Variants in RANBP9 observed in about 807,000 individuals in gnomAD.
RANBP9 encodes RAN binding protein 9, also known as ran-binding protein 9.
In RANBP9, 15 loss-of-function variants were observed where a neutral mutation model predicts 84.3. The observed-to-expected ratio is 0.18, with a 90% CI of 0.12 to 0.27. The LOEUF (loss-of-function observed/expected upper bound fraction) is 0.27, where lower values mean the gene tolerates loss of function less well. Among genes scored for constraint, RANBP9 ranks in the 10% least tolerant of loss-of-function variants. The pLI, the probability that RANBP9 is intolerant of heterozygous loss-of-function variation, is 1.00. For missense variants in RANBP9, 809 were observed against 912.8 expected (o/e 0.89, Z 1.46); for synonymous variants, 392 against 349.6 (o/e 1.12, Z -1.35).
intron 2 of RANBP9, among the ~76,000 whole-genome samples, chr6:13,676,651 A>G (rs1765891010): frequency 6.6e-6 from 1 of 152,100 alleles, no homozygotes; most frequent in Admixed American, 6.5e-5. Context: ...AAATTTTAAA[A>G]AAAGAACTAT....
At chr6:13,685,781 A>T (rs183797871) in intron 2 of RANBP9, among the ~76,000 whole-genome samples, 33 of 152,054 alleles carry the variant, frequency 2.2e-4, no homozygotes, top group Non-Finnish European at 3.8e-4. Context: ...TACAAAAAGT[A>T]GCTGGGCGTG....
intron 2 of RANBP9, among the ~76,000 whole-genome samples, chr6:13,695,079 A>C (rs1375719715): frequency 6.6e-6 from 1 of 152,230 alleles, no homozygotes; most frequent in Non-Finnish European, 1.5e-5. Context: ...CTGGCTACAA[A>C]GAGACTGAAA....
intron 13 of RANBP9, among the ~76,000 whole-genome samples, chr6:13,622,944 C>T (rs1052799486): frequency 1.3e-5 from 2 of 152,184 alleles, no homozygotes; most frequent in Non-Finnish European, 2.9e-5. Flanking sequence ...AACAGGCTGC[C>T]TAGCCATCTC....
chr6:13,686,072 T>C (rs1766169224), intron 2 of RANBP9, among the ~76,000 whole-genome samples: 3 of 150,316 alleles, frequency 2.0e-5, no homozygotes, highest in Non-Finnish European at 4.4e-5. Context: ...CTGTACTTTT[T>C]TTTCTTTCCT....
At position 13,710,980 on chromosome 6, in the gene RANBP9, T is replaced by C. The variant is rs1216669740; in HGVS notation, c.526A>G (p.Ser176Gly). ...TTGTTCTGAGAGAGGCCGATGTAGCTGAACTTGTCCTTCGGGCTCCAGGAC... is the reference window on the plus strand; with the variant it reads ...TTGTTCTGAGAGAGGCCGATGTAGCCGAACTTGTCCTTCGGGCTCCAGGAC... ...PRSWSPKDKF[S>G]YIGLSQNNLR... The change falls in exon 1 of 14, where the codon AGC becomes GGC. Residue 176 changes from serine to glycine, a missense_variant. Ser to Gly is a moderately conservative substitution (Grantham distance 56). Transcript: ENST00000011619. The C allele has an allele frequency of 1.2e-6, 2 of 1,610,312 alleles. No homozygotes were observed. Among genetic ancestry groups the C allele is most frequent in the Middle Eastern group, 1.7e-4 (1 of 6,052 alleles).
rs187868163 is a variant in RANBP9, at chr6:13,670,106, G to A, written c.684-11274C>T. Among the ~76,000 whole-genome samples, 291 of 152,100 alleles carry A rather than the reference G, an allele frequency of 1.9e-3. 1 individual carries two copies. Among genetic ancestry groups the A allele is most frequent in the Middle Eastern group, 6.8e-3 (2 of 294 alleles). On this transcript the variant is annotated intron_variant, in intron 2 of 13. Coordinates refer to ENST00000011619, the MANE Select transcript of RANBP9 (RefSeq NM_005493.3). ...TCAGGAGTTCAAGACCAGCCTAGCC[G>A]ACATAGCAAAAGCCCATCTGTACTA...
In RANBP9 at chr6:13,711,439, G is replaced by C. The variant is rs1366292307; in HGVS notation, c.67C>G (p.Pro23Ala). The C allele has an allele frequency of 1.7e-6, 2 of 1,202,168 alleles. No individual in the cohort carries two copies. Among genetic ancestry groups the C allele is most frequent in the Admixed American group, 4.3e-5 (1 of 23,182 alleles). The allele number at this position is 1,202,168 out of a possible 1,614,324, so 74.5% of individuals were successfully genotyped here. The change falls in exon 1 of 14, where the codon CCG becomes GCG. Residue 23 changes from proline to alanine, a missense_variant. Transcript: ENST00000011619. ...QQQQQQLSPPPPAALAPVSGV... is the reference protein window; with the variant it reads ...QQQQQQLSPPAPAALAPVSGV... ...GAGACTGGGGCCAAGGCCGCCGGCG[G>C]TGGCGGCGACAGCTGCTGCTGCTGT...
At chr6:13,660,574 C>T (rs1765519390) in intron 2 of RANBP9, among the ~76,000 whole-genome samples, 1 of 152,160 alleles carries the variant, frequency 6.6e-6, no homozygotes. Flanking sequence ...TGTAGACACA[C>T]ATTTATACAT....
At chr6:13,688,373 T>A (rs1477920280) in intron 2 of RANBP9, among the ~76,000 whole-genome samples, 5 of 152,198 alleles carry the variant, frequency 3.3e-5, no homozygotes, top group Non-Finnish European at 7.3e-5. Context: ...TCTGTAATTT[T>A]ATGTAAGCTT....
intron 2 of RANBP9, among the ~76,000 whole-genome samples, chr6:13,681,303 T>C (rs1039756103): frequency 2.0e-5 from 3 of 148,066 alleles, no homozygotes; most frequent in Admixed American, 1.4e-4. Flanking sequence ...AAGAGAGAGT[T>C]TGGCGTGGTT....
chr6:13,653,710 T>G (rs1765342412), intron 4 of RANBP9, among the ~76,000 whole-genome samples: 1 of 152,078 alleles, frequency 6.6e-6, no homozygotes, highest in Non-Finnish European at 1.5e-5. Flanking sequence ...AAAGACAAAC[T>G]GAAAATAAAT....
At chr6:13,623,776 T>C (rs114613025) in intron 13 of RANBP9, among the ~76,000 whole-genome samples, 1 of 152,216 alleles carries the variant, frequency 6.6e-6, no homozygotes, top group Non-Finnish European at 1.5e-5. Context: ...TCATTAATTT[T>C]ACAGGAATCG....
intron 12 of RANBP9, among the ~76,000 whole-genome samples, chr6:13,627,352 G>A (rs1040904571): frequency 1.1e-4 from 17 of 151,962 alleles, no homozygotes; most frequent in Non-Finnish European, 1.2e-4. Flanking sequence ...GTTTTTGGCC[G>A]GGTGTGGTGG....
Position 13,639,664 on chromosome 6 carries a change from G to A in RANBP9, c.1424C>T (p.Pro475Leu). The A allele has an allele frequency of 6.2e-7, 1 of 1,613,088 alleles. No individual in the cohort carries two copies. The highest frequency in any genetic ancestry group is 1.3e-5 in the African/African-American group (1 of 75,006). ...ACTACTAAAAGGTCGAGGACTAACA[G>A]GATAACTGTCTTGAGACTTTGGACT... ...GRSPKSQDSYPVSPRPFSSPS... is the reference protein window; with the variant it reads ...GRSPKSQDSYLVSPRPFSSPS... Residue 475 changes from proline (P) to leucine (L), a missense_variant, in exon 9 of 14, where the codon CCT becomes CTT. Pro to Leu is a moderately conservative substitution (Grantham distance 98). Coordinates refer to ENST00000011619, the MANE Select transcript of RANBP9 (RefSeq NM_005493.3).
At position 13,658,828 on chromosome 6, in the gene RANBP9, T is replaced by C; in HGVS notation, c.688A>G (p.Met230Val). 1 of 1,574,036 alleles carries C rather than the reference T, an allele frequency of 6.4e-7. No individual in the cohort carries two copies. Among genetic ancestry groups the C allele is most frequent in the Non-Finnish European group, 8.7e-7 (1 of 1,143,846 alleles). ...CCTTGAGCAGAAAGACCAATTCCCA[T>C]GTAACTGTTGGCGGAGGTTGGGGGA... ...KIVSKGRDGY[M>V]GIGLSAQGVN... The change falls in exon 3 of 14, where the codon ATG becomes GTG. Residue 230 changes from methionine (M) to valine (V), a missense_variant. Transcript: ENST00000011619.
chr6:13,688,716 C>T (rs1306593182), intron 2 of RANBP9, among the ~76,000 whole-genome samples: 1 of 151,662 alleles, frequency 6.6e-6, no homozygotes, highest in Non-Finnish European at 1.5e-5. Context: ...ACTCTATCCT[C>T]AGGCAACCGC....
intron 5 of RANBP9, 70 bp from the exon 6 acceptor site, chr6:13,644,799 C>T (rs1198204071): frequency 8.2e-7 from 1 of 1,217,234 alleles, no homozygotes; most frequent in Non-Finnish European, 1.1e-6. Flanking sequence ...TTTAATGTTA[C>T]ATTTAAAAGA....
intron 2 of RANBP9, among the ~76,000 whole-genome samples, chr6:13,683,732 G>T (rs1194101642): frequency 3.3e-5 from 5 of 149,276 alleles, no homozygotes; most frequent in African/African-American, 1.2e-4. Flanking sequence ...TTTCCCTTTT[G>T]CATTAAGAAT....
rs1190209601 is a variant in RANBP9 at position 13,629,917 on chromosome 6, C to CG, written c.1947+2452_1947+2453insC. On this transcript the variant is annotated intron_variant, in intron 12 of 13. Coordinates refer to ENST00000011619, the MANE Select transcript of RANBP9 (RefSeq NM_005493.3). ...TCTGTCTCTCTCTCTCTCTCTCTCTCTCTCGTGTGTGTGTGTGTGTGTGTG... is the reference window on the plus strand; with the variant it reads ...TCTGTCTCTCTCTCTCTCTCTCTCTCGTCTCGTGTGTGTGTGTGTGTGTGTG... Among the ~76,000 whole-genome samples the CG allele has an allele frequency of 4.5e-3, 558 of 124,528 alleles. 4 individuals carry two copies. The highest frequency in any genetic ancestry group is 0.022 in the South Asian group (72 of 3,268). The allele number at this position is 124,528 out of a possible 152,430, so 81.7% of individuals were successfully genotyped here. A position where few individuals can be genotyped will look rare whatever the true frequency, so the allele number is the denominator to read the frequency against.
Sources: gnomAD v4.1 joint callset for allele counts (sites outside exome capture counted in the v4.1 genomes callset) on GRCh38, gnomAD v4.1.1 for gene constraint, MANE v1.5 for transcripts, NCBI Gene and HGNC (gene_info 2026-07-23, HGNC 2026-07-21) for gene names.